Variants in DCHS2 observed in about 807,000 individuals in gnomAD.
The protein encoded by DCHS2 is protocadherin-23.
Under a neutral mutation model 182.4 loss-of-function variants are expected in DCHS2, and 142 were observed. That is an observed-to-expected ratio of 0.78 (90% CI 0.68 to 0.89). The LOEUF is 0.89. DCHS2 is among the 40% of genes least tolerant of loss of function. DCHS2 has a pLI of 0.00. For synonymous variants in DCHS2, 1,740 were observed against 1,663.3 expected (o/e 1.05, Z -1.12); for missense variants, 4,319 against 4,198.6 (o/e 1.03, Z -0.79).
chr4:154,476,333 T>C (rs1359175580), intron 1 of DCHS2, among the ~76,000 whole-genome samples: 1 of 152,226 alleles, frequency 6.6e-6, no homozygotes, highest in Non-Finnish European at 1.5e-5. Flanking sequence ...CATAGCTTCA[T>C]ATTCTGACAG....
At chr4:154,420,403 C>A (rs899377566) in intron 1 of DCHS2, among the ~76,000 whole-genome samples, 2 of 152,176 alleles carry the variant, frequency 1.3e-5, no homozygotes, top group African/African-American at 4.8e-5. Flanking sequence ...AATGTGCTAT[C>A]TGCAAGCTGG....
At chr4:154,322,656 A>C in intron 7 of DCHS2, 168 bp from the exon 8 acceptor site, 1 of 994,868 alleles carries the variant, frequency 1.0e-6, no homozygotes, top group East Asian at 2.9e-5. Flanking sequence ...CACTTTTTAA[A>C]AATTTTTATT....
intron 1 of DCHS2, chr4:154,486,623 T>C (rs891009493): frequency 8.7e-6 from 10 of 1,143,732 alleles, no homozygotes; most frequent in Middle Eastern, 3.2e-4. Context: ...GGAGGTGTCA[T>C]GAGATTCAAA....
intron 3 of DCHS2, among the ~76,000 whole-genome samples, chr4:154,341,832 TCAGA>T (rs1181797465): frequency 2.0e-5 from 3 of 152,230 alleles, no homozygotes; most frequent in Non-Finnish European, 4.4e-5. Flanking sequence ...CCAGGTAATA[TCAGA>T]CAGAAGTATT....
At chr4:154,317,305 C>T (rs1735899644) in intron 9 of DCHS2, among the ~76,000 whole-genome samples, 2 of 152,162 alleles carry the variant, frequency 1.3e-5, no homozygotes, top group African/African-American at 4.8e-5. Context: ...CCTTTCTTAG[C>T]CATCTTGGAA....
intron 1 of DCHS2, among the ~76,000 whole-genome samples, chr4:154,378,565 G>GAAGGAAGT (rs1731032434): frequency 6.6e-6 from 1 of 151,334 alleles, no homozygotes; most frequent in Non-Finnish European, 1.5e-5. Context: ...AGGAAGGAAG[G>GAAGGAAGT]TAGGAAGGAT....
At chr4:154,273,980 C>T (rs1320899850) in intron 13 of DCHS2, among the ~76,000 whole-genome samples, 2 of 152,086 alleles carry the variant, frequency 1.3e-5, no homozygotes, top group Admixed American at 1.3e-4. Context: ...TAAGAGGAAA[C>T]ATCTAAAAGG....
intron 10 of DCHS2, among the ~76,000 whole-genome samples, chr4:154,308,055 A>T (rs1271601593): frequency 6.6e-6 from 1 of 152,180 alleles, no homozygotes; most frequent in African/African-American, 2.4e-5. Flanking sequence ...TATAAGAAGA[A>T]TTAGGCTTTT....
chr4:154,344,594 A>T (rs1345024310), intron 3 of DCHS2, among the ~76,000 whole-genome samples: 1 of 152,196 alleles, frequency 6.6e-6, no homozygotes, highest in Non-Finnish European at 1.5e-5. Context: ...CAGAAGAATA[A>T]GAAGGGGGTG....
chr4:154,371,708 G>A (rs774075407), intron 2 of DCHS2, among the ~76,000 whole-genome samples: 11 of 152,166 alleles, frequency 7.2e-5, no homozygotes, highest in Non-Finnish European at 1.2e-4. Context: ...TCCAATCATG[G>A]CAGAAGGCAA....
chr4:154,447,134 A>C (rs1005415834), intron 1 of DCHS2, among the ~76,000 whole-genome samples: 7 of 152,142 alleles, frequency 4.6e-5, no homozygotes, highest in African/African-American at 1.7e-4. Flanking sequence ...TCTACTAAAA[A>C]TACAAAAACT....
chr4:154,342,038 A>G (rs973095963), intron 3 of DCHS2, among the ~76,000 whole-genome samples: 1 of 152,154 alleles, frequency 6.6e-6, no homozygotes, highest in Admixed American at 6.5e-5. Context: ...TGTGGGCTTT[A>G]TTCCAGACCA....
chr4:154,437,870 T>G (rs1733845108), intron 1 of DCHS2, among the ~76,000 whole-genome samples: 1 of 152,272 alleles, frequency 6.6e-6, no homozygotes, highest in African/African-American at 2.4e-5. Context: ...ATTTGAGTAT[T>G]ATTTCTAAAA....
Position 154,321,076 on chromosome 4 carries a change from A to C in DCHS2, c.4323T>G (p.Phe1441Leu). ...LQQHYNGKLH[F>L]SIVADDKDGH... ...CATCCTTATCATCTGCAACAATACTAAAATGTAACTTTCCATTATAATGTT... is the reference window on the plus strand; with the variant it reads ...CATCCTTATCATCTGCAACAATACTCAAATGTAACTTTCCATTATAATGTT... Residue 1441 changes from phenylalanine to leucine, a missense_variant, in exon 9 of 20, where the codon TTT becomes TTG. Physicochemically the swap from Phe to Leu is conservative, Grantham distance 22. Coordinates refer to ENST00000357232, the MANE Select transcript of DCHS2 (RefSeq NM_001358235.2). The C allele has an allele frequency of 1.2e-6, 2 of 1,609,588 alleles. No homozygotes were observed. Among genetic ancestry groups the C allele is most frequent in the Non-Finnish European group, 1.7e-6 (2 of 1,176,262 alleles).
In DCHS2 at chr4:154,235,505, G is replaced by A. The variant is rs753511759; in HGVS notation, c.9147C>T (p.Leu3049=). ...DLRVTRDASV[L]KAFQKTDDCS... ...AGTCGTCAGTTTTCTGGAAGGCTTT[G>A]AGCACACTGGCATCCCGGGTCACTC... is the stretch of plus-strand genomic sequence containing the variant. The change falls in exon 20 of 20, where the codon CTC becomes CTT. Residue 3049 remains leucine (L), a synonymous_variant. Transcript: ENST00000357232. The A allele has an allele frequency of 5.0e-6, 8 of 1,614,084 alleles. No individual in the cohort carries two copies. The highest frequency in any genetic ancestry group is 6.8e-6 in the Non-Finnish European group (8 of 1,179,982).
rs145654861 is a variant in DCHS2, at chr4:154,285,763, A to G, written c.6463+12088T>C. Reference sequence around the variant, plus strand: ...ATGTGTCAGGAGTCCTGACTTTCTGATGACATCTCTGTACACTCCTAGGCT... The same window carrying G: ...ATGTGTCAGGAGTCCTGACTTTCTGGTGACATCTCTGTACACTCCTAGGCT... On this transcript the variant is annotated intron_variant, in intron 13 of 19. Coordinates refer to ENST00000357232, the MANE Select transcript of DCHS2 (RefSeq NM_001358235.2). Among the ~76,000 whole-genome samples, 787 of 152,228 alleles carry G rather than the reference A, an allele frequency of 5.2e-3. 2 individuals are homozygous for G. The highest frequency in any genetic ancestry group is 0.017 in the Middle Eastern group (5 of 294).
At chr4:154,299,840 G>T (rs17373154) in intron 12 of DCHS2, among the ~76,000 whole-genome samples, 3,413 of 152,276 alleles carry the variant, frequency 0.022, 67 homozygotes, top group Non-Finnish European at 0.037. Context: ...AAAAGGAAAG[G>T]CTGGTCAATA....
At chr4:154,330,939 G>A (rs1736493677) in intron 5 of DCHS2, among the ~76,000 whole-genome samples, 1 of 152,132 alleles carries the variant, frequency 6.6e-6, no homozygotes, top group Non-Finnish European at 1.5e-5. Context: ...TGATGGATAA[G>A]CAGCAGCCTT....
chr4:154,369,898 C>T (rs1354796134), intron 2 of DCHS2, among the ~76,000 whole-genome samples: 6 of 152,154 alleles, frequency 3.9e-5, no homozygotes, highest in Admixed American at 3.3e-4. Flanking sequence ...GCAGGAGGGT[C>T]GCCTAGGGCA....
Sources: allele counts gnomAD v4.1 joint callset (sites outside exome capture counted in the v4.1 genomes callset), GRCh38; gene constraint gnomAD v4.1.1; transcripts MANE v1.5; gene names NCBI Gene and HGNC (gene_info 2026-07-23, HGNC 2026-07-21).